Variants in CDK6 observed in about 807,000 individuals in gnomAD.
CDK6 encodes the protein cyclin dependent kinase 6, also known as cyclin-dependent kinase 6.
CDK6 carries 6 observed loss-of-function variants against 37.1 expected under a neutral mutation model. That is an observed-to-expected ratio of 0.16 (90% CI 0.09 to 0.32). CDK6 has a LOEUF of 0.32. Ranked by LOEUF, CDK6 falls within the 10% of genes least tolerant of loss-of-function variation. The pLI is 1.00. For synonymous variants in CDK6, 160 were observed against 161.3 expected, an observed-to-expected ratio of 0.99 and a Z score of 0.06; for missense variants, 224 against 418.9, an observed-to-expected ratio of 0.53 and a Z score of 4.06.
chr7:92,677,599 C>T (rs1797234963), intron 4 of CDK6, among the ~76,000 whole-genome samples: 1 of 151,924 alleles, frequency 6.6e-6, no homozygotes, highest in Non-Finnish European at 1.5e-5. Flanking sequence ...AAAAGCAAGA[C>T]TGTCTCAAAA....
Position 92,608,475 on chromosome 7 carries a change from A to G in CDK6, c.*6665T>C, listed in dbSNP as rs908791331. On this transcript the variant is annotated 3_prime_UTR_variant, in exon 8 of 8. Transcript: ENST00000424848. ...CAAAACTTTTCCAGGCATATCTTTC[A>G]CCATCACATATATAGAATGATGGAA... The G allele has an allele frequency of 1.3e-5, 3 of 231,016 alleles. No individual in the cohort carries two copies. The highest frequency in any genetic ancestry group is 5.6e-5 in the Admixed American group (1 of 17,712). The allele number at this position is 231,016 out of a possible 1,614,324, so 14.3% of individuals were successfully genotyped here. A position where few individuals can be genotyped will look rare whatever the true frequency, so the allele number is the denominator to read the frequency against.
chr7:92,635,386 T>C (rs1796146817), intron 5 of CDK6, among the ~76,000 whole-genome samples: 1 of 152,156 alleles, frequency 6.6e-6, no homozygotes, highest in African/African-American at 2.4e-5. Context: ...GCTGGCTCTG[T>C]AACTGATTAA....
At position 92,810,854 on chromosome 7, in the gene CDK6, C is replaced by T. The variant is rs111396910; in HGVS notation, c.233+22237G>A. Among the ~76,000 whole-genome samples the T allele has an allele frequency of 1.2e-4, 18 of 152,178 alleles. 1 individual carries two copies. Among genetic ancestry groups the T allele is most frequent in the African/African-American group, 4.1e-4 (17 of 41,512 alleles). The stretch of plus-strand genomic sequence containing the variant: ...TTGGGAGGCTGAGGTGGGCGGATCA[C>T]GAGGTCAAGAGATTGAGACCATCCT... On this transcript the variant is annotated intron_variant, in intron 2 of 7. Coordinates refer to ENST00000424848, the MANE Select transcript of CDK6 (RefSeq NM_001145306.2).
At chr7:92,691,953 A>C (rs1797608186) in intron 4 of CDK6, among the ~76,000 whole-genome samples, 1 of 152,204 alleles carries the variant, frequency 6.6e-6, no homozygotes, top group Non-Finnish European at 1.5e-5. Context: ...ACAGGACTGA[A>C]AAGTATTAAC....
chr7:92,777,735 G>T (rs1799886947), intron 2 of CDK6, among the ~76,000 whole-genome samples: 1 of 152,166 alleles, frequency 6.6e-6, no homozygotes, highest in Admixed American at 6.5e-5. Flanking sequence ...GGTTCCATAT[G>T]AAATTTAAAG....
intron 3 of CDK6, among the ~76,000 whole-genome samples, chr7:92,766,806 T>C (rs1207423035): frequency 6.6e-6 from 1 of 152,206 alleles, no homozygotes; most frequent in African/African-American, 2.4e-5. Flanking sequence ...ATGCCTAGGG[T>C]GAGGAAGCAT....
intron 3 of CDK6, among the ~76,000 whole-genome samples, chr7:92,760,287 TTATCA>T (rs771131479): frequency 5.1e-4 from 78 of 152,182 alleles, no homozygotes; most frequent in Non-Finnish European, 5.4e-4. Context: ...ATTAGAAAAC[TTATCA>T]TATCATTTTT....
rs777696554 is a variant in CDK6, at chr7:92,644,005, C to G, written c.648-20919G>C. On this transcript the variant is annotated intron_variant, in intron 5 of 7. Coordinates refer to ENST00000424848, the MANE Select transcript of CDK6 (RefSeq NM_001145306.2). ...CCAGAGGGACCTAAGGAAACCAGGC[C>G]AAACTTGCTGTTCACGTGGACCCTT... Among the ~76,000 whole-genome samples, 235 of 152,200 alleles carry G rather than the reference C, an allele frequency of 1.5e-3. 1 individual carries two copies. The highest frequency in any genetic ancestry group is 1.9e-3 in the South Asian group (9 of 4,818).
intron 4 of CDK6, among the ~76,000 whole-genome samples, chr7:92,683,168 C>T (rs1797374447): frequency 6.6e-6 from 1 of 151,568 alleles, no homozygotes; most frequent in African/African-American, 2.4e-5. Context: ...ATATGGCAGG[C>T]TGCAGGGCTC....
At chr7:92,682,188 A>C (rs1406651669) in intron 4 of CDK6, among the ~76,000 whole-genome samples, 1 of 151,994 alleles carries the variant, frequency 6.6e-6, no homozygotes, top group Non-Finnish European at 1.5e-5. Context: ...AGCTGTGCTC[A>C]CCACTCTCCT....
intron 5 of CDK6, among the ~76,000 whole-genome samples, chr7:92,632,360 T>A (rs991240464): frequency 3.9e-5 from 6 of 152,158 alleles, no homozygotes; most frequent in African/African-American, 1.4e-4. Flanking sequence ...AAAGTATCAG[T>A]CATAAAGCAT....
intron 5 of CDK6, among the ~76,000 whole-genome samples, chr7:92,668,116 T>C (rs1218165432): frequency 6.6e-6 from 1 of 152,222 alleles, no homozygotes; most frequent in East Asian, 1.9e-4. Flanking sequence ...TTTTATACCA[T>C]ATTTCTACTG....
intron 3 of CDK6, among the ~76,000 whole-genome samples, chr7:92,737,218 C>A (rs1349116633): frequency 6.6e-6 from 1 of 152,154 alleles, no homozygotes; most frequent in African/African-American, 2.4e-5. Flanking sequence ...AAGTTCAGAT[C>A]CACTGAATTT....
At chr7:92,807,844 T>C (rs1193229098) in intron 2 of CDK6, among the ~76,000 whole-genome samples, 2 of 152,188 alleles carry the variant, frequency 1.3e-5, no homozygotes, top group Admixed American at 6.5e-5. Context: ...GTAGCAAGCA[T>C]AGGCATCATT....
chr7:92,656,792 A>C (rs1401834001), intron 5 of CDK6, among the ~76,000 whole-genome samples: 1 of 152,176 alleles, frequency 6.6e-6, no homozygotes, highest in Non-Finnish European at 1.5e-5. Flanking sequence ...GTAAGAACTG[A>C]CTTTCCATCC....
At chr7:92,749,481 C>T (rs1194462622) in intron 3 of CDK6, among the ~76,000 whole-genome samples, 1 of 152,018 alleles carries the variant, frequency 6.6e-6, no homozygotes, top group East Asian at 1.9e-4. Flanking sequence ...AAAAACAAAC[C>T]AAAAACCAAA....
intron 4 of CDK6, among the ~76,000 whole-genome samples, chr7:92,675,967 A>C (rs887437723): frequency 3.3e-5 from 5 of 152,082 alleles, no homozygotes; most frequent in South Asian, 2.1e-4. Flanking sequence ...TTTTCTCTTT[A>C]TATCTGTCAG....
chr7:92,759,946 A>G lies in CDK6; in HGVS notation c.369+14750T>C, dbSNP rs1003318485. ...TTCAAGAAAAACTGAAAATGGAAAG[A>G]CATCTAACACTGCTTCATTAAACCA... On this transcript the variant is annotated intron_variant, in intron 3 of 7. Transcript: ENST00000424848. Among the ~76,000 whole-genome samples, 15 of 152,280 alleles carry G rather than the reference A, an allele frequency of 9.9e-5. No individual in the cohort carries two copies. The East Asian group carries it at 2.7e-3, about 27-fold the overall frequency.
At chr7:92,798,638 C>A (rs994905934) in intron 2 of CDK6, among the ~76,000 whole-genome samples, 1 of 152,184 alleles carries the variant, frequency 6.6e-6, no homozygotes, top group East Asian at 1.9e-4. Flanking sequence ...GAGGGAGAGT[C>A]TCTCTGTTGC....
Sources: gnomAD v4.1 joint callset for allele counts (sites outside exome capture counted in the v4.1 genomes callset) on GRCh38, gnomAD v4.1.1 for gene constraint, MANE v1.5 for transcripts, NCBI Gene and HGNC (gene_info 2026-07-23, HGNC 2026-07-21) for gene names.